Variants in MTSS1 observed in about 807,000 individuals in gnomAD.
The protein encoded by MTSS1 is protein MTSS 1.
MTSS1 carries 18 observed loss-of-function variants against 79.0 expected under a neutral mutation model. The ratio of observed to expected loss-of-function variants is 0.23; its 90% CI spans 0.16 to 0.34. The LOEUF (loss-of-function observed/expected upper bound fraction) is 0.34, where lower values mean the gene tolerates loss of function less well. MTSS1 is among the 10% of genes least tolerant of loss of function. The probability of loss-of-function intolerance (pLI) is 1.00; values close to 1 mark genes in which losing one functional copy is unlikely to be tolerated. For missense variants in MTSS1, 815 were observed against 986.2 expected, an observed-to-expected ratio of 0.83 and a Z score of 2.33; for synonymous variants, 341 against 368.6, an observed-to-expected ratio of 0.93 and a Z score of 0.86.
At chr8:124,648,717 C>T (rs983125415) in intron 3 of MTSS1, among the ~76,000 whole-genome samples, 1 of 151,938 alleles carries the variant, frequency 6.6e-6, no homozygotes, top group Non-Finnish European at 1.5e-5. Flanking sequence ...CAGCCCCCCC[C>T]CAGATACTGA....
chr8:124,684,482 A>G (rs2135058712), intron 3 of MTSS1, among the ~76,000 whole-genome samples: 1 of 152,380 alleles, frequency 6.6e-6, no homozygotes, highest in Middle Eastern at 3.4e-3. Flanking sequence ...GTTTCAAGGA[A>G]GCAATGAGAT....
rs1470659568 is a variant in MTSS1 at position 124,582,455 on chromosome 8, A to G, written c.460+2632T>C. On this transcript the variant is annotated intron_variant, in intron 6 of 13. Transcript: ENST00000518547. This position sits in a 1 kb window ranked among gnomAD's most constrained non-coding sequence, Gnocchi z 4.8. ...AGGATGGTGGTAAAACCATGCTTAC[A>G]TGCACAAAGGCACTTGAAATGCTAA... 6.6e-6 allele frequency among the ~76,000 whole-genome samples: 1 copy of G among 152,212 alleles called. No homozygotes were observed. The highest frequency in any genetic ancestry group is 1.5e-5 in the Non-Finnish European group (1 of 68,038).
At chr8:124,718,259 A>ATT (rs35604290) in intron 1 of MTSS1, among the ~76,000 whole-genome samples, 22,702 of 149,788 alleles carry the variant, frequency 0.15, 2,170 homozygotes, top group Admixed American at 0.34. Context: ...ACATCTGCTA[A>ATT]TTTTTTTTTT....
Position 124,615,070 on chromosome 8 carries a change from C to T in MTSS1, c.209-23835G>A, listed in dbSNP as rs1343708068. On this transcript the variant is annotated intron_variant, in intron 3 of 13. Transcript: ENST00000518547. ...AGCGTTCCAGATGAACAGAAGAGCA[C>T]GTGCAAAAAAGGCCTGGCAGTACAA... Among the ~76,000 whole-genome samples, 5 of 152,220 alleles carry T rather than the reference C, an allele frequency of 3.3e-5. No individual in the cohort carries two copies. The East Asian group carries it at 5.8e-4, about 18-fold the overall frequency.
intron 3 of MTSS1, among the ~76,000 whole-genome samples, chr8:124,665,828 T>C (rs1302406535): frequency 2.7e-5 from 4 of 149,418 alleles, no homozygotes; most frequent in Non-Finnish European, 5.9e-5. Flanking sequence ...GATTGTGCCA[T>C]TGCACTCCAG....
At chr8:124,561,511 C>G (rs1825312245) in intron 10 of MTSS1, among the ~76,000 whole-genome samples, 1 of 152,184 alleles carries the variant, frequency 6.6e-6, no homozygotes, top group African/African-American at 2.4e-5. Context: ...ACCCAATATG[C>G]CCTCTTCTGC....
chr8:124,608,570 C>T (rs1272195839), intron 3 of MTSS1, among the ~76,000 whole-genome samples: 1 of 152,244 alleles, frequency 6.6e-6, no homozygotes, highest in Non-Finnish European at 1.5e-5. Flanking sequence ...TGTTCCTTCC[C>T]ACTGCCCTGG....
At chr8:124,696,049 G>A (rs920281103) in intron 3 of MTSS1, among the ~76,000 whole-genome samples, 11 of 151,846 alleles carry the variant, frequency 7.2e-5, no homozygotes, top group African/African-American at 1.9e-4. Context: ...GTGCAGTGGC[G>A]CAATCTCAGC....
intron 1 of MTSS1, among the ~76,000 whole-genome samples, chr8:124,713,371 T>G (rs1410830284): frequency 6.6e-6 from 1 of 152,214 alleles, no homozygotes; most frequent in Non-Finnish European, 1.5e-5. Context: ...GCTCCACATT[T>G]CTTGAAAAAT....
chr8:124,616,457 A>G (rs957578994), intron 3 of MTSS1, among the ~76,000 whole-genome samples: 3 of 151,794 alleles, frequency 2.0e-5, no homozygotes, highest in Admixed American at 1.3e-4. Context: ...CATCCTGCCC[A>G]TGGCTAGATT....
intron 3 of MTSS1, among the ~76,000 whole-genome samples, chr8:124,659,767 C>T (rs528101406): frequency 6.6e-6 from 1 of 152,176 alleles, no homozygotes; most frequent in Non-Finnish European, 1.5e-5. Context: ...CTGGGCCGCT[C>T]CGCTCCCACC....
At chr8:124,661,788 C>T (rs576536096) in intron 3 of MTSS1, among the ~76,000 whole-genome samples, 1 of 152,372 alleles carries the variant, frequency 6.6e-6, no homozygotes, top group East Asian at 1.9e-4. Flanking sequence ...ATAGCTGCGA[C>T]AGCCTGTTCA....
intron 6 of MTSS1, among the ~76,000 whole-genome samples, chr8:124,571,732 G>A (rs1039860766): frequency 2.6e-5 from 4 of 152,210 alleles, no homozygotes; most frequent in Admixed American, 2.6e-4. Context: ...TTGGGAGGCC[G>A]CGGCGGGCGG....
intron 3 of MTSS1, among the ~76,000 whole-genome samples, chr8:124,636,825 G>T (rs913900330): frequency 6.6e-6 from 1 of 152,160 alleles, no homozygotes; most frequent in Non-Finnish European, 1.5e-5. Context: ...GACCTTGCAC[G>T]ATGACCTTTG....
intron 3 of MTSS1, among the ~76,000 whole-genome samples, chr8:124,698,514 T>TC (rs1294385308): frequency 5.4e-5 from 8 of 149,292 alleles, no homozygotes; most frequent in South Asian, 2.1e-4. Flanking sequence ...TTCTTTTTTT[T>TC]TTTTTTTTTT....
At chr8:124,700,633 T>C (rs1829571211) in intron 2 of MTSS1, among the ~76,000 whole-genome samples, 2 of 152,154 alleles carry the variant, frequency 1.3e-5, no homozygotes, top group South Asian at 4.1e-4. Context: ...TCCTAGAAAT[T>C]ATTCTGGGTT....
intron 2 of MTSS1, 143 bp downstream of exon 2, chr8:124,703,987 T>C: frequency 1.5e-6 from 1 of 682,140 alleles, no homozygotes. Flanking sequence ...TAGGTGATCA[T>C]GCTCCAATCA....
chr8:124,557,630 G>A (rs748065965), intron 11 of MTSS1, 51 bp downstream of exon 11: 3 of 1,486,440 alleles, frequency 2.0e-6, no homozygotes, highest in Non-Finnish European at 2.8e-6. Flanking sequence ...ACAGAAGAGG[G>A]GTGAGCACAG....
At chr8:124,688,372 A>G (rs1469639459) in intron 3 of MTSS1, among the ~76,000 whole-genome samples, 1 of 151,632 alleles carries the variant, frequency 6.6e-6, no homozygotes, top group African/African-American at 2.4e-5. Flanking sequence ...ACGTGTGTAC[A>G]TGTGTATGTT....
Sources: allele counts gnomAD v4.1 joint callset (sites outside exome capture counted in the v4.1 genomes callset), GRCh38; gene constraint gnomAD v4.1.1; non-coding constraint Gnocchi (gnomAD v3.1); transcripts MANE v1.5; gene names NCBI Gene and HGNC (gene_info 2026-07-23, HGNC 2026-07-21).